Variants in NUP133 observed in about 807,000 individuals in gnomAD.
The protein encoded by NUP133 is nuclear pore complex protein Nup133.
In NUP133, 66 loss-of-function variants were observed where a neutral mutation model predicts 146.2. The observed-to-expected ratio is 0.45, with a 90% CI of 0.37 to 0.55. NUP133 has a LOEUF of 0.55. Ranked by LOEUF, NUP133 falls within the 20% of genes least tolerant of loss-of-function variation. The pLI, the probability that NUP133 is intolerant of heterozygous loss-of-function variation, is 0.00. For missense variants in NUP133, 1,277 were observed against 1,374.8 expected (o/e 0.93, Z 1.12); for synonymous variants, 521 against 498.8 (o/e 1.04, Z -0.59).
chr1:229,457,162 A>G (rs1660588463), intron 21 of NUP133, among the ~76,000 whole-genome samples: 1 of 151,916 alleles, frequency 6.6e-6, no homozygotes. Context: ...ATAATTATAC[A>G]TATTTATGGG....
chr1:229,470,353 A>G (rs1660926439), intron 15 of NUP133, among the ~76,000 whole-genome samples: 1 of 152,192 alleles, frequency 6.6e-6, no homozygotes. Context: ...TATTGGGGGA[A>G]AAAAGTAAAC....
rs1350195999 is a variant in NUP133 at position 229,508,305 on chromosome 1, T to C, written c.-56A>G. 1 of 1,314,652 alleles carries C rather than the reference T, an allele frequency of 7.6e-7. No individual in the cohort carries two copies. Among genetic ancestry groups the C allele is most frequent in the Non-Finnish European group, 9.9e-7 (1 of 1,006,770 alleles). The allele number at this position is 1,314,652 out of a possible 1,614,324, so 81.4% of individuals were successfully genotyped here. On this transcript the variant is annotated 5_prime_UTR_variant, in exon 1 of 26. Transcript: ENST00000261396. The stretch of plus-strand genomic sequence containing the variant: ...GGGATCTGGCCGTCAGGTTGCAGCC[T>C]GGCCTGCGCGCGGAACTTAAACACC...
At chr1:229,478,101 T>A (rs866539617) in intron 12 of NUP133, among the ~76,000 whole-genome samples, 1 of 152,038 alleles carries the variant, frequency 6.6e-6, no homozygotes, top group South Asian at 2.1e-4. Flanking sequence ...TATGAAAATA[T>A]CTCATGTACC....
At chr1:229,456,924 C>T (rs1660582398) in intron 21 of NUP133, among the ~76,000 whole-genome samples, 2 of 151,426 alleles carry the variant, frequency 1.3e-5, no homozygotes, top group African/African-American at 2.4e-5. Context: ...ACCTCCTGGG[C>T]TCAAGTGATC....
chr1:229,446,846 G>A (rs1241902700), intron 24 of NUP133, among the ~76,000 whole-genome samples: 1 of 152,076 alleles, frequency 6.6e-6, no homozygotes, highest in African/African-American at 2.4e-5. Context: ...AAGGGATGTG[G>A]CCGGGCATGG....
chr1:229,454,393 G>A (rs1415734540), intron 21 of NUP133, among the ~76,000 whole-genome samples: 1 of 152,120 alleles, frequency 6.6e-6, no homozygotes, highest in African/African-American at 2.4e-5. Context: ...TCCTGGTTTT[G>A]GAAAAATTAA....
chr1:229,507,912 A>C, intron 1 of NUP133, 156 bp downstream of exon 1: 1 of 985,340 alleles, frequency 1.0e-6, no homozygotes, highest in Non-Finnish European at 1.2e-6. Flanking sequence ...AACGAAGCAG[A>C]TACTACCTGC....
chr1:229,506,451 T>TG (rs1272369796), intron 1 of NUP133, among the ~76,000 whole-genome samples: 4 of 148,078 alleles, frequency 2.7e-5, no homozygotes, highest in African/African-American at 9.8e-5. Context: ...AGACCAGTGT[T>TG]TTTTTTTTTT....
rs1660404408 is a variant in NUP133 at position 229,449,871 on chromosome 1, A to ATATATATATATTTATTT, written c.3180+653_3180+654insAAATAAATATATATATA. Among the ~76,000 whole-genome samples, 2 of 102,036 alleles carry ATATATATATATTTATTT rather than the reference A, an allele frequency of 2.0e-5. 1 individual carries two copies. Among genetic ancestry groups the ATATATATATATTTATTT allele is most frequent in the African/African-American group, 8.9e-5 (2 of 22,496 alleles). 66.9% of individuals were successfully genotyped at this position (102,036 alleles called of 152,430 possible). ...AGATTTTATATATATATATATATAT[A>ATATATATATATTTATTT]TATTTTTTTTTTTTTTTTTTTTTTT... On this transcript the variant is annotated intron_variant, in intron 23 of 25. Transcript: ENST00000261396.
intron 11 of NUP133, among the ~76,000 whole-genome samples, chr1:229,484,371 TAAA>T (rs879256176): frequency 2.0e-5 from 3 of 146,358 alleles, no homozygotes; most frequent in Non-Finnish European, 4.5e-5. Flanking sequence ...GCTGATGAGT[TAAA>T]AAAAAAAAAA....
chr1:229,449,067 G>A (rs563799590), intron 24 of NUP133, 59 bp downstream of exon 24: 4 of 1,249,646 alleles, frequency 3.2e-6, no homozygotes, highest in South Asian at 1.2e-5. Flanking sequence ...GTCATGTGGT[G>A]AGAGCAGAGG....
chr1:229,477,683 A>G lies in NUP133; in HGVS notation c.1670T>C (p.Leu557Pro). The change falls in exon 13 of 26, where the codon CTA becomes CCA. Residue 557 changes from leucine to proline, a missense_variant. Leu to Pro is a moderately conservative substitution (Grantham distance 98, BLOSUM62 -3). Around this residue, in one of 3 missense-constraint regions of NUP133, gnomAD observed 952 missense variants for 1,047.0 expected, o/e 0.91. Transcript: ENST00000261396. ...SHSDLDSDSE[L>P]DRAVTQISVD... ...ACTGATTTGGGTAACTGCCCTGTCT[A>G]GTTCAGAATCAGAATCCAAATCAGA... 6.2e-7 allele frequency: 1 copy of G among 1,613,984 alleles called. No individual in the cohort carries two copies. Among genetic ancestry groups the G allele is most frequent in the East Asian group, 2.2e-5 (1 of 44,876 alleles).
chr1:229,449,505 T>G (rs1442304616), intron 23 of NUP133, among the ~76,000 whole-genome samples: 1 of 151,768 alleles, frequency 6.6e-6, no homozygotes, highest in Non-Finnish European at 1.5e-5. Context: ...GTAGCTGGGA[T>G]TATAGGCACA....
intron 12 of NUP133, among the ~76,000 whole-genome samples, chr1:229,478,644 T>G (rs1226506772): frequency 6.6e-6 from 1 of 152,036 alleles, no homozygotes; most frequent in African/African-American, 2.4e-5. Flanking sequence ...TCTTCTAACT[T>G]AGAGAGATTA....
intron 12 of NUP133, among the ~76,000 whole-genome samples, 176 bp downstream of exon 12, chr1:229,483,878 T>C (rs1186408869): frequency 6.6e-6 from 1 of 152,092 alleles, no homozygotes; most frequent in East Asian, 1.9e-4. Flanking sequence ...GCTGGAACCC[T>C]CCCATGGCTA....
chr1:229,465,546 C>A, intron 16 of NUP133, 27 bp from the exon 17 acceptor site: 1 of 1,430,110 alleles, frequency 7.0e-7, no homozygotes. Context: ...TGTGTTATCA[C>A]ATGCAAAAGG....
intron 1 of NUP133, among the ~76,000 whole-genome samples, chr1:229,506,664 T>G (rs564846618): frequency 6.6e-6 from 1 of 151,928 alleles, no homozygotes; most frequent in Non-Finnish European, 1.5e-5. Flanking sequence ...CTCAGCACTT[T>G]GGGAGGCCGA....
intron 9 of NUP133, among the ~76,000 whole-genome samples, chr1:229,489,199 C>A (rs1208506127): frequency 6.6e-6 from 1 of 152,000 alleles, no homozygotes; most frequent in African/African-American, 2.4e-5. Context: ...AGCTGGAATG[C>A]AGTGGTTATT....
chr1:229,470,731 T>C lies in NUP133; in HGVS notation c.1925A>G (p.Glu642Gly). Residue 642 changes from glutamate (E) to glycine (G), a missense_variant, in exon 15 of 26, where the codon GAG becomes GGG. By Grantham distance (98) the Glu-to-Gly change is moderately conservative. Around this residue, in one of 3 missense-constraint regions of NUP133, gnomAD observed 952 missense variants for 1,047.0 expected, o/e 0.91. Coordinates refer to ENST00000261396, the MANE Select transcript of NUP133 (RefSeq NM_018230.3). ...TPMATRLLLC[E>G]HAEKLSAAIV... is the part of the protein sequence containing the mutation. ...GGCGGCTGACAGCTTTTCGGCATGC[T>C]CACAGAGCAACAGTCGAGTGGCCAT... The C allele has an allele frequency of 1.2e-6, 2 of 1,614,176 alleles. No individual in the cohort carries two copies. Among genetic ancestry groups the C allele is most frequent in the Non-Finnish European group, 1.7e-6 (2 of 1,180,038 alleles).
Sources: allele counts gnomAD v4.1 joint callset (sites outside exome capture counted in the v4.1 genomes callset), GRCh38; gene constraint gnomAD v4.1.1; regional missense constraint gnomAD v4.1.1; transcripts MANE v1.5; gene names NCBI Gene and HGNC (gene_info 2026-07-23, HGNC 2026-07-21).